The following KCNH8 variants were observed in gnomAD, a reference collection of about 807,000 sequenced individuals.
KCNH8 encodes voltage-gated delayed rectifier potassium channel KCNH8.
A neutral mutation model predicts 103.6 loss-of-function variants in KCNH8; 70 were observed. That is an observed-to-expected ratio of 0.68 (90% CI 0.56 to 0.82). The LOEUF (loss-of-function observed/expected upper bound fraction) is 0.82. Ranked by LOEUF, KCNH8 falls within the 40% of genes least tolerant of loss-of-function variation. KCNH8 has a pLI of 0.00. For synonymous variants in KCNH8, 498 were observed against 489.4 expected (o/e 1.02, Z -0.23); for missense variants, 1,217 against 1,329.9 (o/e 0.92, Z 1.32).
intron 1 of KCNH8, among the ~76,000 whole-genome samples, chr3:19,211,127 G>A (rs1372626006): frequency 6.6e-6 from 1 of 152,136 alleles, no homozygotes. Context: ...GTACATGAGA[G>A]AAAGGTATTG....
intron 11 of KCNH8, among the ~76,000 whole-genome samples, chr3:19,472,217 T>A (rs1347196820): frequency 6.7e-6 from 1 of 148,156 alleles, no homozygotes; most frequent in African/African-American, 2.6e-5. Context: ...TGTGTGTGTG[T>A]GTGTGTGTGT....
At chr3:19,312,012 T>C (rs1342483734) in intron 3 of KCNH8, among the ~76,000 whole-genome samples, 2 of 151,936 alleles carry the variant, frequency 1.3e-5, no homozygotes, top group African/African-American at 4.8e-5. Context: ...ACGGATTGCC[T>C]TTCTCAAACT....
chr3:19,498,767 T>C (rs1203661524), intron 11 of KCNH8, among the ~76,000 whole-genome samples: 1 of 152,194 alleles, frequency 6.6e-6, no homozygotes, highest in East Asian at 1.9e-4. Flanking sequence ...TTGGTGTGGA[T>C]GTCCTTTCTG....
chr3:19,529,914 C>T (rs990184066), intron 15 of KCNH8, among the ~76,000 whole-genome samples: 2 of 152,098 alleles, frequency 1.3e-5, no homozygotes, highest in African/African-American at 4.8e-5. Flanking sequence ...GAGTTACTTG[C>T]TCCTTTTAGT....
intron 11 of KCNH8, among the ~76,000 whole-genome samples, chr3:19,457,908 C>T (rs1466480717): frequency 1.3e-5 from 2 of 151,890 alleles, no homozygotes; most frequent in African/African-American, 4.8e-5. Flanking sequence ...TAGATAATAT[C>T]CCATTATGAG....
chr3:19,182,966 A>G (rs1459996346), intron 1 of KCNH8, among the ~76,000 whole-genome samples: 3 of 152,254 alleles, frequency 2.0e-5, no homozygotes, highest in Non-Finnish European at 4.4e-5. Flanking sequence ...GATCTTGGAT[A>G]CAGAAAAAAT....
At chr3:19,494,544 AG>A (rs2068396142) in intron 11 of KCNH8, among the ~76,000 whole-genome samples, 1 of 152,136 alleles carries the variant, frequency 6.6e-6, no homozygotes, top group African/African-American at 2.4e-5. Flanking sequence ...TAAATTGCCT[AG>A]TCTTGGGTAT....
intron 3 of KCNH8, among the ~76,000 whole-genome samples, chr3:19,295,149 T>C (rs1410418982): frequency 6.6e-6 from 1 of 151,950 alleles, no homozygotes; most frequent in Non-Finnish European, 1.5e-5. Context: ...CCAATTTGGG[T>C]GGCTGAGGCA....
At chr3:19,333,568 T>A (rs1347274437) in intron 3 of KCNH8, among the ~76,000 whole-genome samples, 1 of 152,192 alleles carries the variant, frequency 6.6e-6, no homozygotes, top group Non-Finnish European at 1.5e-5. Flanking sequence ...GACCCAGAGA[T>A]TAGCAGGTTT....
intron 11 of KCNH8, among the ~76,000 whole-genome samples, chr3:19,460,249 T>C (rs1159564647): frequency 6.6e-6 from 1 of 152,028 alleles, no homozygotes; most frequent in African/African-American, 2.4e-5. Context: ...GAGTCTCAGC[T>C]CAAACCATAG....
At chr3:19,192,913 A>G (rs2063566993) in intron 1 of KCNH8, among the ~76,000 whole-genome samples, 1 of 151,718 alleles carries the variant, frequency 6.6e-6, no homozygotes, top group Non-Finnish European at 1.5e-5. Flanking sequence ...GAAAAGGTCT[A>G]CAAACTTACT....
chr3:19,373,382 T>G (rs2066133970), intron 5 of KCNH8, among the ~76,000 whole-genome samples: 2 of 152,224 alleles, frequency 1.3e-5, no homozygotes, highest in African/African-American at 2.4e-5. Flanking sequence ...CTTCTAGATT[T>G]TCTAGTTTAT....
chr3:19,170,730 A>G (rs1281730804), intron 1 of KCNH8, among the ~76,000 whole-genome samples: 2 of 145,392 alleles, frequency 1.4e-5, no homozygotes, highest in African/African-American at 2.6e-5. Context: ...ACATATATAC[A>G]CACACATATA....
At chr3:19,513,557 C>T (rs2068823900) in intron 13 of KCNH8, among the ~76,000 whole-genome samples, 1 of 152,116 alleles carries the variant, frequency 6.6e-6, no homozygotes, top group African/African-American at 2.4e-5. Context: ...TCCTTCTTTA[C>T]TCCTTTTATT....
At chr3:19,425,143 G>A (rs1313212848) in intron 7 of KCNH8, among the ~76,000 whole-genome samples, 2 of 152,108 alleles carry the variant, frequency 1.3e-5, no homozygotes, top group Non-Finnish European at 2.9e-5. Flanking sequence ...ATGACTTCCC[G>A]TTCTGTACCC....
chr3:19,281,064 A>T, intron 2 of KCNH8, 134 bp from the exon 3 acceptor site: 1 of 833,648 alleles, frequency 1.2e-6, no homozygotes, highest in Non-Finnish European at 1.9e-6. Context: ...CTGAAAACTG[A>T]CATTTTTAAG....
intron 2 of KCNH8, among the ~76,000 whole-genome samples, chr3:19,276,624 T>C (rs969037592): frequency 6.6e-5 from 10 of 152,100 alleles, no homozygotes; most frequent in African/African-American, 1.9e-4. Context: ...TGCACCTCCT[T>C]GTATTAAGTT....
chr3:19,520,493 G>T (rs967043395), intron 15 of KCNH8, among the ~76,000 whole-genome samples: 5 of 151,724 alleles, frequency 3.3e-5, no homozygotes, highest in African/African-American at 1.2e-4. Context: ...ACTTCAAACT[G>T]TAAAATTATC....
At chr3:19,388,380 G>A (rs765286144) in intron 5 of KCNH8, among the ~76,000 whole-genome samples, 38 of 152,036 alleles carry the variant, frequency 2.5e-4, no homozygotes, top group Non-Finnish European at 5.3e-4. Context: ...AAGTACCTGA[G>A]CCTAGAAAAA....
Sources: allele counts gnomAD v4.1 joint callset (sites outside exome capture counted in the v4.1 genomes callset), GRCh38; gene constraint gnomAD v4.1.1; transcripts MANE v1.5; gene names NCBI Gene and HGNC (gene_info 2026-07-23, HGNC 2026-07-21).